CNNM4: variants seen among roughly 807,000 people sequenced by gnomAD.
The protein encoded by CNNM4 is metal transporter CNNM4.
In CNNM4, 32 loss-of-function variants were observed where a neutral mutation model predicts 53.7. That is an observed-to-expected ratio of 0.60 (90% CI 0.45 to 0.80). The LOEUF (loss-of-function observed/expected upper bound fraction) is 0.80. Among genes scored for constraint, CNNM4 ranks in the 30% least tolerant of loss-of-function variants. The pLI is 0.00. For synonymous variants in CNNM4, 410 were observed against 440.0 expected (o/e 0.93, Z 0.85); for missense variants, 784 against 1,022.0 (o/e 0.77, Z 3.17).
rs1391945255 is a variant in CNNM4 at position 96,761,524 on chromosome 2, G to T, written c.525G>T (p.Glu175Asp). The part of the protein sequence containing the change: ...DKDSLLFMVE[E>D]PGRFLPLWLH... Reference sequence around the variant, plus strand: ...ACTCACTGCTCTTCATGGTGGAGGAGCCTGGGAGGTTCCTGCCTCTCTGGC... The same window carrying T: ...ACTCACTGCTCTTCATGGTGGAGGATCCTGGGAGGTTCCTGCCTCTCTGGC... The change falls in exon 1 of 7, where the codon GAG becomes GAT. Residue 175 changes from glutamate (E) to aspartate (D), a missense_variant. Transcript: ENST00000377075. The surrounding 1 kb of genome is among the most constrained non-coding windows in gnomAD (Gnocchi z 6.0). 3.1e-6 allele frequency: 5 copies of T among 1,614,058 alleles called. No individual in the cohort carries two copies. The East Asian group carries it at 8.9e-5, about 29-fold the overall frequency.
At chr2:96,766,064 G>A (rs1391345027) in intron 1 of CNNM4, among the ~76,000 whole-genome samples, 2 of 146,782 alleles carry the variant, frequency 1.4e-5, no homozygotes, top group East Asian at 4.0e-4. Flanking sequence ...GATTACAGGT[G>A]TGAGCCACCA....
intron 1 of CNNM4, among the ~76,000 whole-genome samples, chr2:96,789,258 C>T (rs2079040397): frequency 6.6e-6 from 1 of 152,158 alleles, no homozygotes; most frequent in Non-Finnish European, 1.5e-5. Context: ...TAAAAGACAA[C>T]ATGGCTAACA....
At chr2:96,784,328 A>G (rs974743847) in intron 1 of CNNM4, among the ~76,000 whole-genome samples, 8 of 152,220 alleles carry the variant, frequency 5.3e-5, no homozygotes, top group Admixed American at 4.6e-4. Context: ...AAATATTTTC[A>G]GGTAAAATGT....
chr2:96,769,199 C>T (rs1435500035), intron 1 of CNNM4, among the ~76,000 whole-genome samples: 1 of 150,916 alleles, frequency 6.6e-6, no homozygotes, highest in Non-Finnish European at 1.5e-5. Context: ...TGCAGTGAGC[C>T]GAGATCGCGC....
chr2:96,766,985 T>C (rs1193283517), intron 1 of CNNM4, among the ~76,000 whole-genome samples: 1 of 152,058 alleles, frequency 6.6e-6, no homozygotes, highest in East Asian at 1.9e-4. Flanking sequence ...GGGCCTTGAG[T>C]GTGATGCATG....
In CNNM4 at chr2:96,769,770, G is replaced by A. The variant is rs2078852349; in HGVS notation, c.1402+7369G>A. On this transcript the variant is annotated intron_variant, in intron 1 of 6. Transcript: ENST00000377075. ...CCTTAGGCTGTGGGGTGCCCAGCGA[G>A]AGCAGCCTCGGACAAGTGGTGCCCG... 2.0e-5 allele frequency among the ~76,000 whole-genome samples: 3 copies of A among 152,194 alleles called. No individual in the cohort carries two copies. The South Asian group carries it at 6.2e-4, about 32-fold the overall frequency.
Position 96,761,404 on chromosome 2 carries a change from C to T in CNNM4, c.405C>T (p.Leu135=), listed in dbSNP as rs760053491. 6.2e-6 allele frequency: 10 copies of T among 1,614,002 alleles called. No homozygotes were observed. In the Middle Eastern group the frequency reaches 4.9e-4, roughly 80 times the overall value. ...RGNTSGVLVV[L]TKFLRRSESM... is the part of the protein sequence containing the mutation. ...ACACGTCCGGCGTGCTGGTGGTGCT[C>T]ACCAAGTTCCTCCGGAGGAGCGAGA... The change falls in exon 1 of 7, where the codon CTC becomes CTT. Residue 135 remains leucine (L), a synonymous_variant. Transcript: ENST00000377075. The surrounding 1 kb of genome is among the most constrained non-coding windows in gnomAD (Gnocchi z 6.0).
intron 1 of CNNM4, among the ~76,000 whole-genome samples, chr2:96,765,214 C>T (rs1574050449): frequency 2.0e-5 from 3 of 149,766 alleles, no homozygotes; most frequent in Non-Finnish European, 3.0e-5. Context: ...GCAACCTCTA[C>T]CTCCCGGGTT....
chr2:96,790,673 T>C (rs2079054792), intron 1 of CNNM4, among the ~76,000 whole-genome samples: 1 of 151,288 alleles, frequency 6.6e-6, no homozygotes, highest in Non-Finnish European at 1.5e-5. Flanking sequence ...TGTTTTTTTT[T>C]TCTCATTATG....
chr2:96,804,535 G>A (rs1453058059), intron 5 of CNNM4, among the ~76,000 whole-genome samples: 1 of 152,030 alleles, frequency 6.6e-6, no homozygotes, highest in African/African-American at 2.4e-5. Flanking sequence ...CTGAGTAGCT[G>A]GGATTACAGG....
intron 1 of CNNM4, among the ~76,000 whole-genome samples, chr2:96,794,625 G>C (rs1183218982): frequency 6.6e-6 from 1 of 152,112 alleles, no homozygotes; most frequent in Non-Finnish European, 1.5e-5. Context: ...CTGGTTTGGG[G>C]CTGTTAAAAA....
intron 1 of CNNM4, among the ~76,000 whole-genome samples, chr2:96,772,555 A>ACG (rs2078886373): frequency 7.9e-6 from 1 of 127,230 alleles, no homozygotes; most frequent in Admixed American, 8.5e-5. Context: ...GCGTGCACAC[A>ACG]CATACACACT....
intron 1 of CNNM4, among the ~76,000 whole-genome samples, chr2:96,793,645 C>T (rs866593969): frequency 9.9e-5 from 15 of 152,148 alleles, no homozygotes; most frequent in African/African-American, 1.9e-4. Context: ...TCATTTCATC[C>T]GCAGGAGGGC....
In CNNM4 at chr2:96,797,763, A is replaced by G. The variant is rs949922980; in HGVS notation, c.1681+116A>G. The G allele has an allele frequency of 3.6e-6, 5 of 1,385,914 alleles. No homozygotes were observed. In the Admixed American group the frequency reaches 9.6e-5, roughly 27 times the overall value. The allele number at this position is 1,385,914 out of a possible 1,614,324, so 85.9% of individuals were successfully genotyped here. On this transcript the variant is annotated intron_variant, in intron 3 of 6. Transcript: ENST00000377075. The surrounding 1 kb of genome is among the most constrained non-coding windows in gnomAD (Gnocchi z 6.0). ...GGGCTGCAGCAGGTGAGGGGTGCAGAGACAACACAGCCACCCCTGGAAGGG... is the reference window on the plus strand; with the variant it reads ...GGGCTGCAGCAGGTGAGGGGTGCAGGGACAACACAGCCACCCCTGGAAGGG...
At chr2:96,766,522 T>A (rs1412857198) in intron 1 of CNNM4, among the ~76,000 whole-genome samples, 1 of 152,168 alleles carries the variant, frequency 6.6e-6, no homozygotes, top group African/African-American at 2.4e-5. Context: ...CTTGCCACCT[T>A]GTTTAAAACT....
chr2:96,787,371 T>C (rs2079024819), intron 1 of CNNM4, among the ~76,000 whole-genome samples: 2 of 152,226 alleles, frequency 1.3e-5, no homozygotes, highest in Non-Finnish European at 2.9e-5. Flanking sequence ...TATTTCCTTA[T>C]ATTTTGTTTG....
intron 1 of CNNM4, among the ~76,000 whole-genome samples, chr2:96,764,748 G>A (rs946999311): frequency 6.6e-6 from 1 of 152,142 alleles, no homozygotes; most frequent in Non-Finnish European, 1.5e-5. Flanking sequence ...AGCACTTTGG[G>A]AGGGCGAGGC....
chr2:96,797,557 G>A lies in CNNM4; in HGVS notation c.1591G>A (p.Asp531Asn). 1 of 1,614,188 alleles carries A rather than the reference G, an allele frequency of 6.2e-7. No homozygotes were observed. Among genetic ancestry groups the A allele is most frequent in the East Asian group, 2.2e-5 (1 of 44,886 alleles). ...RKRVSEKNKR[D>N]FSAFKDADNE... ...GCGGGTGTCTGAGAAGAACAAGCGT[G>A]ACTTCTCTGCCTTCAAGGATGCGGA... Residue 531 changes from aspartate to asparagine, a missense_variant, in exon 3 of 7, where the codon GAC (aspartate) becomes AAC (asparagine). This residue lies in a region of CNNM4 where 307 missense variants were observed against 376.3 expected (regional missense o/e 0.82). Transcript: ENST00000377075. The surrounding 1 kb of genome is among the most constrained non-coding windows in gnomAD (Gnocchi z 6.0).
Position 96,761,656 on chromosome 2 carries a change from C to G in CNNM4, c.657C>G (p.Asn219Lys). ...CCATGGAGCTGCGCATCGTGCAGAACTGTGGCACCGAGAAGGAGAGGCGCT... is the reference window on the plus strand; with the variant it reads ...CCATGGAGCTGCGCATCGTGCAGAAGTGTGGCACCGAGAAGGAGAGGCGCT... ...LDPMELRIVQ[N>K]CGTEKERRYA... Residue 219 changes from asparagine to lysine, a missense_variant, in exon 1 of 7, where the codon AAC (asparagine) becomes AAG (lysine). Coordinates refer to ENST00000377075, the MANE Select transcript of CNNM4 (RefSeq NM_020184.4). This position sits in a 1 kb window ranked among gnomAD's most constrained non-coding sequence, Gnocchi z 6.0. The G allele has an allele frequency of 6.2e-7, 1 of 1,612,484 alleles. No homozygotes were observed. Among genetic ancestry groups the G allele is most frequent in the Non-Finnish European group, 8.5e-7 (1 of 1,180,030 alleles).
Sources: gnomAD v4.1 joint callset for allele counts (sites outside exome capture counted in the v4.1 genomes callset) on GRCh38, gnomAD v4.1.1 for gene constraint, gnomAD v4.1.1 regional missense constraint, Gnocchi (gnomAD v3.1) non-coding constraint, MANE v1.5 for transcripts, NCBI Gene and HGNC (gene_info 2026-07-23, HGNC 2026-07-21) for gene names.